The following FGF14 variants were observed in gnomAD, a reference collection of about 807,000 sequenced individuals.
FGF14 encodes the protein fibroblast growth factor 14, also known as fibroblast growth factor homologous factor 4.
In FGF14, 5 loss-of-function variants were observed where a neutral mutation model predicts 25.5. That is an observed-to-expected ratio of 0.20 (90% CI 0.10 to 0.41). FGF14 has a LOEUF of 0.41. FGF14 is among the 10% of genes least tolerant of loss of function. FGF14 has a pLI of 1.00. For missense variants in FGF14, 222 were observed against 320.1 expected (o/e 0.69, Z 2.34); for synonymous variants, 138 against 118.3 (o/e 1.17, Z -1.08).
chr13:102,089,567 G>A lies in FGF14; in HGVS notation c.209-214271C>T, dbSNP rs1437842091. 5.3e-5 allele frequency among the ~76,000 whole-genome samples: 8 copies of A among 152,058 alleles called. No homozygotes were observed. In the East Asian group the frequency reaches 9.6e-4, roughly 18 times the overall value. On this transcript the variant is annotated intron_variant, in intron 1 of 4. Coordinates refer to the FGF14 transcript ENST00000376131. Reference sequence around the variant, plus strand: ...TTTTAGTTGATATTACTGCCTAAACGTTCCACATTTTTCCTAAGTTTTACT... The same window carrying A: ...TTTTAGTTGATATTACTGCCTAAACATTCCACATTTTTCCTAAGTTTTACT...
intron 1 of FGF14, among the ~76,000 whole-genome samples, chr13:102,317,958 C>T (rs984488681): frequency 6.6e-6 from 1 of 152,180 alleles, no homozygotes; most frequent in African/African-American, 2.4e-5. Context: ...TGGCCTACTA[C>T]AACAATTGCA....
intron 1 of FGF14, among the ~76,000 whole-genome samples, chr13:101,923,012 A>C (rs2034115520): frequency 6.6e-6 from 1 of 152,084 alleles, no homozygotes; most frequent in South Asian, 2.1e-4. Context: ...AAATTTAAGA[A>C]GCTGTTAATT....
intron 1 of FGF14, among the ~76,000 whole-genome samples, chr13:102,288,796 G>A (rs2054235736): frequency 1.3e-5 from 2 of 152,082 alleles, no homozygotes; most frequent in African/African-American, 4.8e-5. Context: ...TGTTGGCCAG[G>A]CTGGTCTCAA....
rs191317565 is a variant in FGF14 at position 101,843,156 on chromosome 13, G to C, written c.408+25569C>G. 2.6e-5 allele frequency among the ~76,000 whole-genome samples: 4 copies of C among 152,120 alleles called. No homozygotes were observed. The East Asian group carries it at 7.8e-4, about 30-fold the overall frequency. On this transcript the variant is annotated intron_variant, in intron 3 of 4. Transcript: ENST00000376143. ...AGTTAAATGTATCAAAAGTATTCTT[G>C]AGCACTTCTTAAACCTATGAATTTT... is the stretch of plus-strand genomic sequence containing the variant.
At chr13:102,353,303 G>GT (rs1232584545) in intron 1 of FGF14, among the ~76,000 whole-genome samples, 2 of 152,042 alleles carry the variant, frequency 1.3e-5, no homozygotes, top group Non-Finnish European at 2.9e-5. Context: ...TTCACTGTTG[G>GT]TGTCATTCAA....
intron 1 of FGF14, among the ~76,000 whole-genome samples, chr13:102,337,928 T>C (rs1162697031): frequency 6.6e-6 from 1 of 152,234 alleles, no homozygotes; most frequent in Non-Finnish European, 1.5e-5. Context: ...GAATACAGTA[T>C]AGTGTATATA....
chr13:101,903,449 G>A lies in FGF14; in HGVS notation c.193+13004C>T, dbSNP rs1030893969. 6.6e-5 allele frequency among the ~76,000 whole-genome samples: 10 copies of A among 152,188 alleles called. No individual in the cohort carries two copies. In the East Asian group the frequency reaches 1.7e-3, roughly 26 times the overall value. On this transcript the variant is annotated intron_variant, in intron 1 of 4. Coordinates refer to ENST00000376143, the MANE Select transcript of FGF14 (RefSeq NM_004115.4). ...ACCCTAGAAGAAAATAATGAGACTTGTTAAGATAAAACAAATAAAAGTGTC... is the reference window on the plus strand; with the variant it reads ...ACCCTAGAAGAAAATAATGAGACTTATTAAGATAAAACAAATAAAAGTGTC...
At position 101,775,294 on chromosome 13, in the gene FGF14, C is replaced by T. The variant is rs184054827; in HGVS notation, c.409-48484G>A. 2.1e-3 allele frequency among the ~76,000 whole-genome samples: 321 copies of T among 152,212 alleles called. 3 individuals are homozygous for T. The highest frequency in any genetic ancestry group is 0.01 in the Middle Eastern group (3 of 294). ...CTTCTGTGAACTTGGTTGTCAAATG[C>T]ATTAACCCAAAGAAAACTTAGCAAT... On this transcript the variant is annotated intron_variant, in intron 3 of 4. Coordinates refer to ENST00000376143, the MANE Select transcript of FGF14 (RefSeq NM_004115.4).
At chr13:102,244,929 A>G (rs1468271516) in intron 1 of FGF14, among the ~76,000 whole-genome samples, 1 of 152,116 alleles carries the variant, frequency 6.6e-6, no homozygotes, top group Non-Finnish European at 1.5e-5. Context: ...TAGCCTTTCA[A>G]TAAGGTAGTA....
At chr13:102,132,225 T>C (rs1302171250) in intron 1 of FGF14, among the ~76,000 whole-genome samples, 2 of 152,118 alleles carry the variant, frequency 1.3e-5, no homozygotes, top group African/African-American at 2.4e-5. Context: ...TGCAGAATAG[T>C]GTGCGGCAGA....
At chr13:102,272,804 C>T (rs2053316195) in intron 1 of FGF14, among the ~76,000 whole-genome samples, 1 of 151,970 alleles carries the variant, frequency 6.6e-6, no homozygotes, top group Admixed American at 6.6e-5. Flanking sequence ...TATTGAGGGC[C>T]AGAGTTTGAA....
chr13:101,930,485 G>A (rs1469295559), intron 1 of FGF14, among the ~76,000 whole-genome samples: 1 of 152,166 alleles, frequency 6.6e-6, no homozygotes, highest in East Asian at 1.9e-4. Context: ...TCAGCCACTG[G>A]AATGCTCCAT....
chr13:102,150,406 A>C (rs1304910302), intron 1 of FGF14, among the ~76,000 whole-genome samples: 1 of 152,134 alleles, frequency 6.6e-6, no homozygotes, highest in Non-Finnish European at 1.5e-5. Context: ...CTAACAACAT[A>C]AATGTAAATT....
At chr13:102,009,878 G>A (rs184398304) in intron 1 of FGF14, among the ~76,000 whole-genome samples, 1 of 152,196 alleles carries the variant, frequency 6.6e-6, no homozygotes, top group South Asian at 2.1e-4. Context: ...TATTAGTGAA[G>A]CCTTCCAAAG....
intron 1 of FGF14, among the ~76,000 whole-genome samples, chr13:101,959,010 C>T (rs2036677126): frequency 6.6e-6 from 1 of 152,172 alleles, no homozygotes; most frequent in Non-Finnish European, 1.5e-5. Flanking sequence ...CCTCCCCACC[C>T]CTTAGACCAC....
chr13:101,831,844 A>G (rs2042685551), intron 3 of FGF14, among the ~76,000 whole-genome samples: 1 of 152,078 alleles, frequency 6.6e-6, no homozygotes, highest in African/African-American at 2.4e-5. Context: ...CTAAGGTTGC[A>G]GAGAAACAGA....
At chr13:101,924,532 A>G (rs2034231966) in intron 1 of FGF14, among the ~76,000 whole-genome samples, 1 of 152,190 alleles carries the variant, frequency 6.6e-6, no homozygotes, top group South Asian at 2.1e-4. Context: ...GAACTTTTAC[A>G]TTCACATTTG....
At chr13:102,001,026 G>A (rs2039465664) in intron 1 of FGF14, among the ~76,000 whole-genome samples, 1 of 152,088 alleles carries the variant, frequency 6.6e-6, no homozygotes, top group African/African-American at 2.4e-5. Context: ...CATGATTTAG[G>A]GTTGGGATGA....
chr13:102,117,719 C>T (rs577723703), intron 1 of FGF14, among the ~76,000 whole-genome samples: 66 of 152,036 alleles, frequency 4.3e-4, no homozygotes, highest in African/African-American at 1.6e-3. Flanking sequence ...AAGGATAAGT[C>T]GTTTTAAAAG....
Sources: allele counts gnomAD v4.1 joint callset (sites outside exome capture counted in the v4.1 genomes callset), GRCh38; gene constraint gnomAD v4.1.1; transcripts MANE v1.5; gene names NCBI Gene and HGNC (gene_info 2026-07-23, HGNC 2026-07-21).